Variants in PAK5 observed in about 807,000 individuals in gnomAD.
PAK5 encodes the protein serine/threonine-protein kinase PAK 5.
A neutral mutation model predicts 65.9 loss-of-function variants in PAK5; 16 were observed. That is an observed-to-expected ratio of 0.24 (90% CI 0.16 to 0.37). PAK5 has a LOEUF of 0.37. Ranked by LOEUF, PAK5 falls within the 10% of genes least tolerant of loss-of-function variation. The pLI, the probability that PAK5 is intolerant of heterozygous loss-of-function variation, is 1.00. For synonymous variants in PAK5, 371 were observed against 354.9 expected, an observed-to-expected ratio of 1.05 and a Z score of -0.51; for missense variants, 785 against 903.9, an observed-to-expected ratio of 0.87 and a Z score of 1.69.
chr20:9,701,012 T>G (rs2047932466), intron 2 of PAK5, among the ~76,000 whole-genome samples: 2 of 152,110 alleles, frequency 1.3e-5, no homozygotes, highest in African/African-American at 4.8e-5. Flanking sequence ...AATGATAGAT[T>G]GGAGATAGGT....
rs1460350467 is a variant in PAK5, at chr20:9,838,993, G to C, written c.-393C>G. The C allele has an allele frequency of 6.6e-6, 1 of 152,412 alleles. No homozygotes were observed. Among genetic ancestry groups the C allele is most frequent in the Non-Finnish European group, 1.5e-5 (1 of 68,300 alleles). The allele number at this position is 152,412 out of a possible 1,614,324, so 9.4% of individuals were successfully genotyped here. On this transcript the variant is annotated 5_prime_UTR_variant, in exon 1 of 10. Transcript: ENST00000353224. The surrounding 1 kb of genome is among the most constrained non-coding windows in gnomAD (Gnocchi z 4.5). ...TGAGCATGCCCAGCTGCCCGGCTTC[G>C]CCCCTCGGAGGACTGTCCATGAGCG...
chr20:9,709,181 G>A (rs538766431), intron 2 of PAK5, among the ~76,000 whole-genome samples: 2 of 152,246 alleles, frequency 1.3e-5, no homozygotes, highest in East Asian at 3.9e-4. Context: ...TAGTCCAGTG[G>A]ATGACAAGAC....
chr20:9,797,645 T>TA (rs1025835507), intron 1 of PAK5, among the ~76,000 whole-genome samples: 1 of 134,234 alleles, frequency 7.4e-6, no homozygotes, highest in African/African-American at 2.8e-5. Flanking sequence ...TAAAGTATAA[T>TA]AAAAAATATT....
chr20:9,604,098 G>T (rs2046408123), intron 3 of PAK5, among the ~76,000 whole-genome samples: 1 of 152,316 alleles, frequency 6.6e-6, no homozygotes, highest in Non-Finnish European at 1.5e-5. Context: ...GAATAACCCT[G>T]TATGGCAGAT....
intron 2 of PAK5, among the ~76,000 whole-genome samples, chr20:9,646,039 G>T (rs558309330): frequency 3.3e-5 from 5 of 152,152 alleles, no homozygotes; most frequent in Non-Finnish European, 7.4e-5. Flanking sequence ...ATTACTGTTT[G>T]CCTGGCCTAT....
intron 2 of PAK5, among the ~76,000 whole-genome samples, chr20:9,647,633 G>C (rs908457542): frequency 6.6e-6 from 1 of 152,192 alleles, no homozygotes; most frequent in African/African-American, 2.4e-5. Context: ...GAGAGTTGCG[G>C]AGAGGAAATC....
chr20:9,672,420 T>C (rs187280994), intron 2 of PAK5, among the ~76,000 whole-genome samples: 10 of 150,644 alleles, frequency 6.6e-5, no homozygotes, highest in African/African-American at 2.2e-4. Flanking sequence ...CCACCTATCA[T>C]GGGAGGAAGC....
chr20:9,554,741 C>T (rs1251673240), intron 7 of PAK5, among the ~76,000 whole-genome samples: 2 of 152,170 alleles, frequency 1.3e-5, no homozygotes, highest in African/African-American at 2.4e-5. Flanking sequence ...TTTCCTTTTC[C>T]TACAGATACT....
chr20:9,727,181 CAT>C, intron 1 of PAK5, among the ~76,000 whole-genome samples: 1 of 152,154 alleles, frequency 6.6e-6, no homozygotes, highest in East Asian at 1.9e-4. Context: ...GGTAGGAAAA[CAT>C]AAATTATTTC....
At position 9,777,994 on chromosome 20, in the gene PAK5, C is replaced by T. The variant is rs75304939; in HGVS notation, c.-162+60768G>A. On this transcript the variant is annotated intron_variant, in intron 1 of 9. Coordinates refer to ENST00000353224, the MANE Select transcript of PAK5 (RefSeq NM_177990.4). ...CTATGGGCATGAGAATGAGGAAATG[C>T]CTGGCTGGTACTCTTATAAGTAGAA... 1.6e-3 allele frequency among the ~76,000 whole-genome samples: 238 copies of T among 152,282 alleles called. 2 individuals carry two copies. Among genetic ancestry groups the T allele is most frequent in the African/African-American group, 5.5e-3 (227 of 41,562 alleles).
intron 2 of PAK5, among the ~76,000 whole-genome samples, chr20:9,670,882 T>C (rs2047487257): frequency 1.3e-5 from 2 of 152,226 alleles, no homozygotes; most frequent in South Asian, 4.1e-4. Context: ...GCCTAGGTTT[T>C]CTTCTAGGGT....
chr20:9,555,384 T>C (rs1390265717), intron 7 of PAK5, among the ~76,000 whole-genome samples: 2 of 152,166 alleles, frequency 1.3e-5, no homozygotes, highest in African/African-American at 4.8e-5. Flanking sequence ...TTTAAGTAAT[T>C]TGATTAAACA....
chr20:9,612,493 T>C (rs541132809), intron 3 of PAK5, among the ~76,000 whole-genome samples: 178 of 152,218 alleles, frequency 1.2e-3, no homozygotes, highest in African/African-American at 3.9e-3. Context: ...GAAACAGCCA[T>C]GTCACATGGC....
intron 3 of PAK5, among the ~76,000 whole-genome samples, chr20:9,591,181 G>A (rs1253789491): frequency 6.6e-6 from 1 of 152,112 alleles, no homozygotes; most frequent in East Asian, 1.9e-4. Flanking sequence ...TTTATAAGAA[G>A]GAAGAAAGTG....
chr20:9,560,541 T>A (rs192041165), intron 6 of PAK5, among the ~76,000 whole-genome samples: 31 of 152,222 alleles, frequency 2.0e-4, no homozygotes, highest in African/African-American at 7.0e-4. Context: ...TAAATTTTTT[T>A]AATAGAGACA....
At chr20:9,730,046 A>T (rs115114059) in intron 1 of PAK5, among the ~76,000 whole-genome samples, 4 of 124,492 alleles carry the variant, frequency 3.2e-5, no homozygotes, top group African/African-American at 2.9e-5. Context: ...GTCTCGAAAA[A>T]AAAAAAAGAG....
intron 1 of PAK5, among the ~76,000 whole-genome samples, chr20:9,815,305 T>C (rs1212695375): frequency 1.3e-5 from 2 of 152,228 alleles, no homozygotes; most frequent in East Asian, 3.8e-4. Context: ...AATATCTGCA[T>C]TGAAAATATG....
chr20:9,561,541 C>T (rs1355408810), intron 6 of PAK5, among the ~76,000 whole-genome samples: 1 of 152,018 alleles, frequency 6.6e-6, no homozygotes, highest in African/African-American at 2.4e-5. Flanking sequence ...TAAATGTCTT[C>T]ACTCACAAAG....
intron 3 of PAK5, among the ~76,000 whole-genome samples, chr20:9,589,165 A>G (rs1812797124): frequency 6.6e-6 from 1 of 152,220 alleles, no homozygotes; most frequent in South Asian, 2.1e-4. Context: ...CAGGAGGTTA[A>G]TAAGCTAAAT....
Sources: gnomAD v4.1 joint callset for allele counts (sites outside exome capture counted in the v4.1 genomes callset) on GRCh38, gnomAD v4.1.1 for gene constraint, Gnocchi (gnomAD v3.1) non-coding constraint, MANE v1.5 for transcripts, NCBI Gene and HGNC (gene_info 2026-07-23, HGNC 2026-07-21) for gene names.